Variants in THSD7B observed in about 807,000 individuals in gnomAD.
THSD7B encodes the protein thrombospondin type-1 domain-containing protein 7B.
THSD7B carries 138 observed loss-of-function variants against 213.6 expected under a neutral mutation model. The ratio of observed to expected loss-of-function variants is 0.65; its 90% CI spans 0.56 to 0.74. The LOEUF is 0.74. THSD7B is among the 30% of genes least tolerant of loss of function. The pLI is 0.00. For synonymous variants in THSD7B, 742 were observed against 687.0 expected, an observed-to-expected ratio of 1.08 and a Z score of -1.25; for missense variants, 1,931 against 1,991.5, an observed-to-expected ratio of 0.97 and a Z score of 0.58.
At chr2:137,251,330 A>G (rs557104552) in intron 10 of THSD7B, among the ~76,000 whole-genome samples, 7 of 152,232 alleles carry the variant, frequency 4.6e-5, no homozygotes, top group African/African-American at 1.7e-4. Flanking sequence ...AAGGGAAAAA[A>G]TTCTATCATT....
intron 7 of THSD7B, among the ~76,000 whole-genome samples, chr2:137,217,626 A>G (rs1681278633): frequency 6.6e-6 from 1 of 152,132 alleles, no homozygotes; most frequent in African/African-American, 2.4e-5. Flanking sequence ...GATCAAATAT[A>G]TTGATGGTGA....
At chr2:137,246,188 G>A (rs1682030666) in intron 10 of THSD7B, among the ~76,000 whole-genome samples, 1 of 152,172 alleles carries the variant, frequency 6.6e-6, no homozygotes, top group African/African-American at 2.4e-5. Context: ...ACCAGAGCAA[G>A]TGGAAACCTC....
chr2:137,448,216 G>A (rs1687578513), intron 14 of THSD7B, among the ~76,000 whole-genome samples: 1 of 152,182 alleles, frequency 6.6e-6, no homozygotes, highest in East Asian at 1.9e-4. Context: ...CTGCTTGGCA[G>A]CCCTGTTTTA....
chr2:137,234,352 T>C (rs1681716501), intron 9 of THSD7B, among the ~76,000 whole-genome samples: 1 of 152,106 alleles, frequency 6.6e-6, no homozygotes, highest in Non-Finnish European at 1.5e-5. Context: ...TGAAGGGCTC[T>C]GGGCCTGATC....
chr2:137,138,438 A>G (rs1399957249), intron 5 of THSD7B, among the ~76,000 whole-genome samples: 1 of 152,018 alleles, frequency 6.6e-6, no homozygotes. Flanking sequence ...GGGTGGGTGT[A>G]TGGTGGTTTC....
intron 12 of THSD7B, among the ~76,000 whole-genome samples, chr2:137,311,718 G>A (rs1573952935): frequency 6.6e-6 from 1 of 151,738 alleles, no homozygotes; most frequent in Non-Finnish European, 1.5e-5. Flanking sequence ...AGCATGAAGG[G>A]TTGTTGAATT....
At chr2:137,576,296 C>T (rs1681459612) in intron 17 of THSD7B, among the ~76,000 whole-genome samples, 1 of 152,108 alleles carries the variant, frequency 6.6e-6, no homozygotes, top group South Asian at 2.1e-4. Flanking sequence ...AGAAGCAAGA[C>T]TTTGCAAACC....
chr2:136,798,906 C>T (rs888319223), intron 1 of THSD7B, among the ~76,000 whole-genome samples: 1 of 152,008 alleles, frequency 6.6e-6, no homozygotes, highest in Admixed American at 6.6e-5. Flanking sequence ...GTAGTCTACA[C>T]ACATTCCCTA....
At chr2:137,289,796 AAG>A (rs1683279105) in intron 12 of THSD7B, among the ~76,000 whole-genome samples, 1 of 152,030 alleles carries the variant, frequency 6.6e-6, no homozygotes, top group South Asian at 2.1e-4. Context: ...ATGAAGAAAA[AAG>A]AGAAAAAAAA....
intron 15 of THSD7B, among the ~76,000 whole-genome samples, chr2:137,531,260 T>C (rs2105179706): frequency 6.6e-6 from 1 of 152,102 alleles, no homozygotes; most frequent in Admixed American, 6.6e-5. Context: ...TAAAGCAGTC[T>C]TATCAGAGTG....
chr2:137,141,073 C>T (rs764777935), intron 5 of THSD7B, among the ~76,000 whole-genome samples: 31 of 152,036 alleles, frequency 2.0e-4, no homozygotes, highest in Non-Finnish European at 4.3e-4. Flanking sequence ...TGGAATGTTC[C>T]CCAAGGAGGG....
intron 12 of THSD7B, among the ~76,000 whole-genome samples, chr2:137,300,835 A>G (rs1236238581): frequency 1.3e-5 from 2 of 152,126 alleles, no homozygotes; most frequent in South Asian, 2.1e-4. Flanking sequence ...GGACAAAAAG[A>G]TGGAAAGAAC....
At chr2:137,666,816 A>G (rs191147729) in intron 26 of THSD7B, among the ~76,000 whole-genome samples, 28 of 152,278 alleles carry the variant, frequency 1.8e-4, no homozygotes, top group Non-Finnish European at 7.4e-5. Flanking sequence ...GAATATATGT[A>G]TATATACTCA....
intron 15 of THSD7B, among the ~76,000 whole-genome samples, chr2:137,456,035 C>T (rs1437943275): frequency 6.6e-6 from 1 of 152,052 alleles, no homozygotes; most frequent in African/African-American, 2.4e-5. Context: ...GATTAATTAC[C>T]TGTGCTTTTT....
chr2:137,293,935 T>C (rs1405503279), intron 12 of THSD7B, among the ~76,000 whole-genome samples: 1 of 152,152 alleles, frequency 6.6e-6, no homozygotes, highest in African/African-American at 2.4e-5. Flanking sequence ...TATACGGCTA[T>C]TTATAATCTG....
At chr2:136,809,107 A>T (rs961839567) in intron 1 of THSD7B, among the ~76,000 whole-genome samples, 2 of 152,218 alleles carry the variant, frequency 1.3e-5, no homozygotes, top group Non-Finnish European at 2.9e-5. Flanking sequence ...GGAATTTTTC[A>T]TATAAACATA....
At chr2:137,320,776 C>A (rs976496554) in intron 12 of THSD7B, among the ~76,000 whole-genome samples, 5 of 152,214 alleles carry the variant, frequency 3.3e-5, no homozygotes, top group African/African-American at 1.2e-4. Flanking sequence ...TGGCTTTGGG[C>A]CTGCCATTTC....
rs558540368 is a variant in THSD7B, at chr2:137,664,273, C to T, written c.4651+698C>T. Among the ~76,000 whole-genome samples, 8 of 152,248 alleles carry T rather than the reference C, an allele frequency of 5.3e-5. No individual in the cohort carries two copies. The South Asian group carries it at 1.2e-3, about 24-fold the overall frequency. ...ACCTCAAGAACTTATAAGAAATGTC[C>T]AGAGATCCTATTTGCTTCAAGAAAT... On this transcript the variant is annotated intron_variant, in intron 26 of 27. Transcript: ENST00000409968.
chr2:137,000,785 AG>A (rs958428048), intron 2 of THSD7B, among the ~76,000 whole-genome samples: 5 of 152,162 alleles, frequency 3.3e-5, no homozygotes, highest in Admixed American at 6.5e-5. Context: ...ATCATTAATT[AG>A]ATAGCTACCA....
Sources: gnomAD v4.1 joint callset for allele counts (sites outside exome capture counted in the v4.1 genomes callset) on GRCh38, gnomAD v4.1.1 for gene constraint, MANE v1.5 for transcripts, NCBI Gene and HGNC (gene_info 2026-07-23, HGNC 2026-07-21) for gene names.